Variants in ZNF804B observed in about 807,000 individuals in gnomAD.
The protein encoded by ZNF804B is zinc finger 804B.
ZNF804B carries 80 observed loss-of-function variants against 101.4 expected under a neutral mutation model. The observed-to-expected ratio is 0.79, with a 90% CI of 0.66 to 0.95. The LOEUF is 0.95. ZNF804B is among the 40% of genes least tolerant of loss of function. The probability of loss-of-function intolerance (pLI) is 0.00; values close to 1 mark genes in which losing one functional copy is unlikely to be tolerated. For synonymous variants in ZNF804B, 622 were observed against 558.8 expected, an observed-to-expected ratio of 1.11 and a Z score of -1.59; for missense variants, 1,673 against 1,561.9, an observed-to-expected ratio of 1.07 and a Z score of -1.20.
chr7:89,233,989 A>G (rs1789239535), intron 2 of ZNF804B, among the ~76,000 whole-genome samples: 1 of 152,212 alleles, frequency 6.6e-6, no homozygotes, highest in South Asian at 2.1e-4. Context: ...AGCATTTTCC[A>G]CAATGGAGTG....
chr7:88,910,975 G>C (rs1481229564), intron 1 of ZNF804B, among the ~76,000 whole-genome samples: 1 of 151,946 alleles, frequency 6.6e-6, no homozygotes. Context: ...GAATAGAGGC[G>C]ATAGGTTAAC....
At chr7:88,854,549 TCC>T (rs1791525533) in intron 1 of ZNF804B, among the ~76,000 whole-genome samples, 1 of 120,328 alleles carries the variant, frequency 8.3e-6, no homozygotes, top group African/African-American at 3.3e-5. Context: ...CTTCCTTCCT[TCC>T]TTCCTTCCTT....
chr7:88,962,447 C>A (rs577840537), intron 1 of ZNF804B, among the ~76,000 whole-genome samples: 96 of 150,990 alleles, frequency 6.4e-4, no homozygotes, highest in African/African-American at 2.2e-3. Context: ...TCATTGAACT[C>A]AGTATTGCTC....
chr7:88,972,201 G>T (rs879790176), intron 1 of ZNF804B, among the ~76,000 whole-genome samples: 5 of 151,358 alleles, frequency 3.3e-5, no homozygotes, highest in Non-Finnish European at 7.4e-5. Flanking sequence ...ATCTTTCAAT[G>T]ACTTGTACAC....
intron 1 of ZNF804B, among the ~76,000 whole-genome samples, chr7:89,198,526 A>T (rs913778966): frequency 6.6e-6 from 1 of 151,960 alleles, no homozygotes; most frequent in African/African-American, 2.4e-5. Context: ...TATACTAAAT[A>T]AAAAATAATG....
At chr7:88,996,903 C>T (rs1482397208) in intron 1 of ZNF804B, among the ~76,000 whole-genome samples, 1 of 151,916 alleles carries the variant, frequency 6.6e-6, no homozygotes, top group Non-Finnish European at 1.5e-5. Flanking sequence ...GGAAGATGTC[C>T]ATATCTGGAG....
At chr7:88,972,220 T>C (rs967212912) in intron 1 of ZNF804B, among the ~76,000 whole-genome samples, 1 of 151,560 alleles carries the variant, frequency 6.6e-6, no homozygotes, top group African/African-American at 2.4e-5. Flanking sequence ...ACCACAAGTG[T>C]GCTCCAATCT....
chr7:89,036,068 A>T (rs958416483), intron 1 of ZNF804B, among the ~76,000 whole-genome samples: 8 of 148,500 alleles, frequency 5.4e-5, no homozygotes, highest in Non-Finnish European at 1.2e-4. Context: ...ATAGAACAAA[A>T]CACAGTATGT....
At chr7:88,993,746 G>A (rs979983559) in intron 1 of ZNF804B, among the ~76,000 whole-genome samples, 13 of 151,970 alleles carry the variant, frequency 8.6e-5, no homozygotes, top group African/African-American at 3.1e-4. Context: ...AGAGGATTTT[G>A]AGAAAAGCAA....
At chr7:89,234,498 T>A (rs1217065438) in intron 2 of ZNF804B, among the ~76,000 whole-genome samples, 1 of 152,162 alleles carries the variant, frequency 6.6e-6, no homozygotes, top group East Asian at 1.9e-4. Context: ...ATATTAAGTG[T>A]CAGTATGACT....
chr7:89,264,628 A>G (rs543196145), intron 2 of ZNF804B, among the ~76,000 whole-genome samples: 1 of 152,308 alleles, frequency 6.6e-6, no homozygotes, highest in Admixed American at 6.5e-5. Flanking sequence ...GTTAAATATC[A>G]GGAGTATAAT....
intron 1 of ZNF804B, among the ~76,000 whole-genome samples, chr7:89,010,203 T>A (rs777779101): frequency 6.6e-6 from 1 of 151,564 alleles, no homozygotes; most frequent in Admixed American, 6.6e-5. Flanking sequence ...CAAGTGACAT[T>A]AACATTTATT....
chr7:88,778,028 C>T (rs949954625), intron 1 of ZNF804B, among the ~76,000 whole-genome samples: 1 of 152,092 alleles, frequency 6.6e-6, no homozygotes, highest in Non-Finnish European at 1.5e-5. Flanking sequence ...TAATGAACTA[C>T]CACACATTTA....
At chr7:89,077,762 T>G (rs1383339932) in intron 1 of ZNF804B, among the ~76,000 whole-genome samples, 1 of 152,180 alleles carries the variant, frequency 6.6e-6, no homozygotes, top group Non-Finnish European at 1.5e-5. Flanking sequence ...CTCTCTTTCT[T>G]AAGCTAATCA....
intron 1 of ZNF804B, among the ~76,000 whole-genome samples, chr7:89,017,677 G>A (rs1419962157): frequency 1.3e-5 from 2 of 151,884 alleles, no homozygotes; most frequent in South Asian, 2.1e-4. Flanking sequence ...TGTTATTTTT[G>A]TGTGTTCATC....
chr7:88,819,768 C>T (rs1002949917), intron 1 of ZNF804B, among the ~76,000 whole-genome samples: 1 of 152,094 alleles, frequency 6.6e-6, no homozygotes, highest in African/African-American at 2.4e-5. Context: ...TTAACAGTTT[C>T]ATTGTTTTCC....
At chr7:89,296,089 T>G (rs113349979) in intron 2 of ZNF804B, among the ~76,000 whole-genome samples, 6 of 152,066 alleles carry the variant, frequency 3.9e-5, no homozygotes, top group African/African-American at 1.2e-4. Flanking sequence ...ATGTCAGAAT[T>G]CATCACTATA....
intron 2 of ZNF804B, among the ~76,000 whole-genome samples, chr7:89,276,185 G>A (rs1789977579): frequency 2.0e-5 from 3 of 151,752 alleles, no homozygotes; most frequent in African/African-American, 2.4e-5. Flanking sequence ...TGTGAGGGTA[G>A]GGAGAGCATC....
intron 1 of ZNF804B, among the ~76,000 whole-genome samples, chr7:88,889,470 G>C (rs1396197427): frequency 6.6e-6 from 1 of 151,968 alleles, no homozygotes; most frequent in Non-Finnish European, 1.5e-5. Context: ...TTTAATAATT[G>C]CCATTCTGAC....
Sources: allele counts gnomAD v4.1 joint callset (sites outside exome capture counted in the v4.1 genomes callset), GRCh38; gene constraint gnomAD v4.1.1; transcripts MANE v1.5; gene names NCBI Gene and HGNC (gene_info 2026-07-23, HGNC 2026-07-21).